Variants in KCNMB2 observed in about 807,000 individuals in gnomAD.
KCNMB2 encodes the protein calcium-activated potassium channel subunit beta-2.
KCNMB2 carries 9 observed loss-of-function variants against 24.5 expected under a neutral mutation model. That is an observed-to-expected ratio of 0.37 (90% confidence interval 0.22 to 0.64). The LOEUF is 0.64. Ranked by LOEUF, KCNMB2 falls within the 30% of genes least tolerant of loss-of-function variation. The probability of loss-of-function intolerance (pLI) is 0.63; values close to 1 mark genes in which losing one functional copy is unlikely to be tolerated. For synonymous variants in KCNMB2, 109 were observed against 104.4 expected, an observed-to-expected ratio of 1.04 and a Z score of -0.27; for missense variants, 226 against 284.3, an observed-to-expected ratio of 0.79 and a Z score of 1.47.
intron 1 of KCNMB2, among the ~76,000 whole-genome samples, chr3:178,679,418 GGAATGAAT>G (rs1388962804): frequency 6.6e-6 from 1 of 152,050 alleles, no homozygotes; most frequent in East Asian, 1.9e-4. Flanking sequence ...TTGTATCAGT[GGAATGAAT>G]GAATGCGTAT....
chr3:178,766,825 C>T (rs528117658), intron 1 of KCNMB2, among the ~76,000 whole-genome samples: 6 of 152,272 alleles, frequency 3.9e-5, no homozygotes, highest in African/African-American at 1.4e-4. Context: ...AAACAACTTA[C>T]ATACCCTGAA....
chr3:178,809,822 T>C (rs1044664379), intron 2 of KCNMB2, among the ~76,000 whole-genome samples: 29 of 152,240 alleles, frequency 1.9e-4, no homozygotes, highest in African/African-American at 6.5e-4. Context: ...TAAAGTATGA[T>C]TTCAGAACTA....
chr3:178,645,827 C>T (rs879417612), intron 1 of KCNMB2, among the ~76,000 whole-genome samples: 6 of 151,982 alleles, frequency 3.9e-5, no homozygotes, highest in Admixed American at 6.6e-5. Flanking sequence ...AAAGGGTCTG[C>T]GAAACATATG....
chr3:178,560,968 C>T (rs1318371375), intron 1 of KCNMB2, among the ~76,000 whole-genome samples: 2 of 152,170 alleles, frequency 1.3e-5, no homozygotes, highest in Non-Finnish European at 2.9e-5. Context: ...CTTCTGGACA[C>T]TCAGAAGCAC....
At chr3:178,632,491 T>C (rs894705041) in intron 1 of KCNMB2, among the ~76,000 whole-genome samples, 1 of 151,984 alleles carries the variant, frequency 6.6e-6, no homozygotes, top group Non-Finnish European at 1.5e-5. Flanking sequence ...CAAGGAGAAG[T>C]GCTGAGAAAA....
At chr3:178,543,011 A>G (rs1022386710) in intron 1 of KCNMB2, among the ~76,000 whole-genome samples, 3 of 152,240 alleles carry the variant, frequency 2.0e-5, no homozygotes, top group African/African-American at 7.2e-5. Flanking sequence ...CATACTGCCT[A>G]TGACCTATTT....
chr3:178,578,453 T>A (rs983139787), intron 1 of KCNMB2, among the ~76,000 whole-genome samples: 1 of 152,134 alleles, frequency 6.6e-6, no homozygotes, highest in African/African-American at 2.4e-5. Context: ...ATTGACACTA[T>A]AAAGAAACTG....
intron 1 of KCNMB2, among the ~76,000 whole-genome samples, chr3:178,695,618 C>A (rs1216256787): frequency 1.3e-5 from 2 of 152,214 alleles, no homozygotes; most frequent in Admixed American, 6.5e-5. Context: ...AGTCTCTTTG[C>A]TAAAGCATAC....
chr3:178,557,827 T>C (rs952240851), intron 1 of KCNMB2, among the ~76,000 whole-genome samples: 5 of 152,134 alleles, frequency 3.3e-5, no homozygotes, highest in African/African-American at 1.2e-4. Context: ...ACCATTTAAA[T>C]TATGAGTAAA....
chr3:178,683,461 C>A (rs138682502), intron 1 of KCNMB2, among the ~76,000 whole-genome samples: 39 of 152,150 alleles, frequency 2.6e-4, no homozygotes, highest in African/African-American at 8.9e-4. Context: ...TGCACATGTA[C>A]CCACTGAATC....
intron 2 of KCNMB2, among the ~76,000 whole-genome samples, chr3:178,816,938 A>G (rs1019372272): frequency 1.3e-5 from 2 of 152,162 alleles, no homozygotes; most frequent in African/African-American, 4.8e-5. Flanking sequence ...ATCTTGGATT[A>G]AAGCTTTTCA....
chr3:178,633,546 G>A (rs1342547928), intron 1 of KCNMB2, among the ~76,000 whole-genome samples: 1 of 152,204 alleles, frequency 6.6e-6, no homozygotes, highest in Admixed American at 6.5e-5. Flanking sequence ...TGGAGGGGCT[G>A]GGATGTGGGG....
Position 178,559,330 on chromosome 3 carries a change from T to C in KCNMB2, c.-68+22619T>C, listed in dbSNP as rs577671075. Among the ~76,000 whole-genome samples, 4 of 152,274 alleles carry C rather than the reference T, an allele frequency of 2.6e-5. No individual in the cohort carries two copies. The South Asian group carries it at 8.3e-4, about 32-fold the overall frequency. ...ATTTTAAAACATTGCGTGATGTTAATTCACAAGTCTCAGATTTCAACTTTA... is the reference window on the plus strand; with the variant it reads ...ATTTTAAAACATTGCGTGATGTTAACTCACAAGTCTCAGATTTCAACTTTA... On this transcript the variant is annotated intron_variant, in intron 1 of 4. Coordinates refer to ENST00000452583, the MANE Select transcript of KCNMB2 (RefSeq NM_181361.3).
intron 1 of KCNMB2, among the ~76,000 whole-genome samples, chr3:178,539,637 G>A (rs913479811): frequency 6.6e-6 from 1 of 151,816 alleles, no homozygotes; most frequent in African/African-American, 2.4e-5. Flanking sequence ...AGGTTTCTTG[G>A]TACTTCAAGA....
At chr3:178,719,495 C>T (rs975072007) in intron 1 of KCNMB2, among the ~76,000 whole-genome samples, 2 of 152,220 alleles carry the variant, frequency 1.3e-5, no homozygotes, top group South Asian at 4.1e-4. Context: ...TATCAGAAGG[C>T]AGTGGGAAGC....
chr3:178,701,717 C>G (rs910773851), intron 1 of KCNMB2, among the ~76,000 whole-genome samples: 1 of 152,158 alleles, frequency 6.6e-6, no homozygotes, highest in Admixed American at 6.6e-5. Flanking sequence ...ACCACAATGA[C>G]ATATCATCTC....
At chr3:178,695,876 T>C (rs921723233) in intron 1 of KCNMB2, among the ~76,000 whole-genome samples, 3 of 152,226 alleles carry the variant, frequency 2.0e-5, no homozygotes, top group Non-Finnish European at 4.4e-5. Flanking sequence ...CCTCTGCCTG[T>C]TACCCAGTTC....
intron 1 of KCNMB2, among the ~76,000 whole-genome samples, chr3:178,750,393 A>G (rs772187094): frequency 5.9e-5 from 9 of 152,124 alleles, no homozygotes; most frequent in Non-Finnish European, 1.2e-4. Context: ...AAAAAAAAAC[A>G]AAAACAAAAA....
chr3:178,761,556 T>C (rs901969303), intron 1 of KCNMB2, among the ~76,000 whole-genome samples: 3 of 152,194 alleles, frequency 2.0e-5, no homozygotes, highest in Non-Finnish European at 4.4e-5. Flanking sequence ...CCAAGATGGC[T>C]TGTCATTTTG....
Sources: gnomAD v4.1 joint callset for allele counts (sites outside exome capture counted in the v4.1 genomes callset) on GRCh38, gnomAD v4.1.1 for gene constraint, MANE v1.5 for transcripts, NCBI Gene and HGNC (gene_info 2026-07-23, HGNC 2026-07-21) for gene names.